Variants in SH2B3 observed in about 807,000 individuals in gnomAD.
SH2B3 encodes SH2B adapter protein 3.
SH2B3 carries 43 observed loss-of-function variants against 51.9 expected under a neutral mutation model. That is an observed-to-expected ratio of 0.83 (90% CI 0.65 to 1.07). SH2B3 has a LOEUF of 1.07. Ranked by LOEUF, SH2B3 falls within the 50% of genes least tolerant of loss-of-function variation. The probability of loss-of-function intolerance (pLI) is 0.00; values close to 1 mark genes in which losing one functional copy is unlikely to be tolerated. For missense variants in SH2B3, 952 were observed against 834.3 expected (o/e 1.14, Z -1.74); for synonymous variants, 396 against 376.0 (o/e 1.05, Z -0.62).
intron 2 of SH2B3, among the ~76,000 whole-genome samples, chr12:111,433,843 G>A (rs1872661408): frequency 1.3e-5 from 2 of 152,122 alleles, no homozygotes; most frequent in Admixed American, 6.5e-5. Flanking sequence ...CGAACACCTG[G>A]ATTCAAGCAG....
In SH2B3 at chr12:111,418,614, G is replaced by T; in HGVS notation, c.469G>T (p.Ala157Ser). Reference protein sequence around the residue: ...RRRSAGELPAAHTAAAPGTPG... With the variant: ...RRRSAGELPASHTAAAPGTPG... ...CCGCTCGGCCGGGGAGCTGCCAGCG[G>T]CCCACACCGCTGCCGCCCCCGGGAC... The change falls in exon 2 of 8, where the codon GCC becomes TCC. Residue 157 changes from alanine to serine, a missense_variant. Ala to Ser is a moderately conservative substitution (Grantham distance 99). Coordinates refer to ENST00000341259, the MANE Select transcript of SH2B3 (RefSeq NM_005475.3). The surrounding 1 kb of genome is among the most constrained non-coding windows in gnomAD (Gnocchi z 6.7). 3 of 1,483,220 alleles carry T rather than the reference G, an allele frequency of 2.0e-6. No homozygotes were observed. Among genetic ancestry groups the T allele is most frequent in the Non-Finnish European group, 2.7e-6 (3 of 1,126,362 alleles). 91.9% of individuals were successfully genotyped at this position (1,483,220 alleles called of 1,614,324 possible).
At chr12:111,432,353 A>T (rs1191523275) in intron 2 of SH2B3, among the ~76,000 whole-genome samples, 1 of 151,736 alleles carries the variant, frequency 6.6e-6, no homozygotes, top group African/African-American at 2.4e-5. Context: ...CCCATTTTTA[A>T]CTTTTTTGCT....
intron 2 of SH2B3, among the ~76,000 whole-genome samples, chr12:111,423,458 C>T (rs565521584): frequency 3.3e-5 from 5 of 152,314 alleles, no homozygotes; most frequent in African/African-American, 1.2e-4. Context: ...CCAGCTCCGC[C>T]TCCCGGGTTC....
rs949445921 is a variant in SH2B3 at position 111,406,587 on chromosome 12, C to T, written c.-28+310C>T. Among the ~76,000 whole-genome samples, 4 of 152,194 alleles carry T rather than the reference C, an allele frequency of 2.6e-5. No homozygotes were observed. Among genetic ancestry groups the T allele is most frequent in the Non-Finnish European group, 5.9e-5 (4 of 68,022 alleles). On this transcript the variant is annotated intron_variant, in intron 1 of 7. Transcript: ENST00000341259. This position sits in a 1 kb window ranked among gnomAD's most constrained non-coding sequence, Gnocchi z 5.7. ...CTACGGTAGCCTCGCCGGTTGGGGG[C>T]GGCCCTCCCCTCAACTTGTGCCTGG...
intron 1 of SH2B3, among the ~76,000 whole-genome samples, chr12:111,408,840 C>T (rs1870450626): frequency 1.3e-5 from 2 of 152,190 alleles, no homozygotes; most frequent in South Asian, 4.1e-4. Context: ...CACTTAAGCT[C>T]TCTGAGGCAA....
At chr12:111,427,568 G>A (rs1486783817) in intron 2 of SH2B3, among the ~76,000 whole-genome samples, 1 of 152,268 alleles carries the variant, frequency 6.6e-6, no homozygotes, top group Non-Finnish European at 1.5e-5. Flanking sequence ...TGCTAGGCTG[G>A]AGTAGCTGGC....
intron 2 of SH2B3, among the ~76,000 whole-genome samples, chr12:111,419,745 C>T (rs756095804): frequency 2.6e-5 from 4 of 152,180 alleles, no homozygotes; most frequent in Non-Finnish European, 5.9e-5. Flanking sequence ...CTGCTGTGTA[C>T]ATTGGTTGTA....
In SH2B3 at chr12:111,447,471, T is replaced by C. The variant is rs777509565; in HGVS notation, c.1163T>C (p.Val388Ala). ...CTGCAGGGCCCTGATGCTCATGGAGTGTTCCTGGTGCGGCAGAGCGAGACG... is the reference window on the plus strand; with the variant it reads ...CTGCAGGGCCCTGATGCTCATGGAGCGTTCCTGGTGCGGCAGAGCGAGACG... ...VQLQGPDAHG[V>A]FLVRQSETRR... Residue 388 changes from valine to alanine, a missense_variant, in exon 6 of 8, where the codon GTG (valine) becomes GCG (alanine). Physicochemically the swap from Val to Ala is moderately conservative, Grantham distance 64. Coordinates refer to ENST00000341259, the MANE Select transcript of SH2B3 (RefSeq NM_005475.3). 1 of 1,607,314 alleles carries C rather than the reference T, an allele frequency of 6.2e-7. No individual in the cohort carries two copies. The highest frequency in any genetic ancestry group is 1.4e-5 in the African/African-American group (1 of 72,256).
intron 2 of SH2B3, among the ~76,000 whole-genome samples, chr12:111,442,575 T>C (rs1363131964): frequency 2.0e-5 from 3 of 152,292 alleles, no homozygotes; most frequent in Non-Finnish European, 2.9e-5. Context: ...CCAAGGCTGG[T>C]CTGGGCCAAG....
At chr12:111,445,133 A>C (rs911205418) in intron 2 of SH2B3, among the ~76,000 whole-genome samples, 6 of 152,162 alleles carry the variant, frequency 3.9e-5, no homozygotes, top group Non-Finnish European at 5.9e-5. Flanking sequence ...TCTGCTGGTT[A>C]ATCTCAGCAC....
chr12:111,434,730 TTTAA>T lies in SH2B3; in HGVS notation c.733-12019_733-12016del, dbSNP rs1199780386. ...TTCTGTCTTGGTTTCCTTTTTCACT[TTTAA>T]TTATTTAATCCAGCTGGCTTTTGTT... is the stretch of plus-strand genomic sequence containing the variant. On this transcript the variant is annotated intron_variant, in intron 2 of 7. Transcript: ENST00000341259. 6 of 1,397,920 alleles carry T rather than the reference TTTAA, an allele frequency of 4.3e-6. No homozygotes were observed. In the East Asian group the frequency reaches 1.3e-4, roughly 30 times the overall value. The allele number at this position is 1,397,920 out of a possible 1,614,324, so 86.6% of individuals were successfully genotyped here. A position where few individuals can be genotyped will look rare whatever the true frequency, so the allele number is the denominator to read the frequency against.
Position 111,423,027 on chromosome 12 carries a change from T to C in SH2B3, c.732+4150T>C, listed in dbSNP as rs766470732. Among the ~76,000 whole-genome samples the C allele has an allele frequency of 1.3e-4, 20 of 152,226 alleles. No homozygotes were observed. The East Asian group carries it at 3.7e-3, about 28-fold the overall frequency. On this transcript the variant is annotated intron_variant, in intron 2 of 7. Coordinates refer to ENST00000341259, the MANE Select transcript of SH2B3 (RefSeq NM_005475.3). Reference sequence around the variant, plus strand: ...GTCACTTACTTTCATTCTAAGTAAATCACTGGGCCTTCCAGGCAGAGGGAA... The same window carrying C: ...GTCACTTACTTTCATTCTAAGTAAACCACTGGGCCTTCCAGGCAGAGGGAA...
At chr12:111,423,391 A>G (rs1048004214) in intron 2 of SH2B3, among the ~76,000 whole-genome samples, 1 of 151,846 alleles carries the variant, frequency 6.6e-6, no homozygotes, top group Non-Finnish European at 1.5e-5. Context: ...TTTTTTTGAG[A>G]CAGAGTCTTG....
intron 2 of SH2B3, among the ~76,000 whole-genome samples, chr12:111,436,749 C>G (rs1476685381): frequency 6.6e-6 from 1 of 152,040 alleles, no homozygotes; most frequent in African/African-American, 2.4e-5. Flanking sequence ...TGGTTGCTGT[C>G]TCTCTGAGAG....
At chr12:111,417,980 A>G (rs1565968513) in intron 1 of SH2B3, 139 bp from the exon 2 acceptor site, 7 of 604,960 alleles carry the variant, frequency 1.2e-5, no homozygotes, top group Non-Finnish European at 1.9e-5. Flanking sequence ...AGGGGAGTGC[A>G]TGTTTCCCTG....
At position 111,448,346 on chromosome 12, in the gene SH2B3, C is replaced by T; in HGVS notation, c.*44C>T. The T allele has an allele frequency of 7.4e-7, 1 of 1,357,744 alleles. No individual in the cohort carries two copies. Among genetic ancestry groups the T allele is most frequent in the Non-Finnish European group, 1.0e-6 (1 of 971,366 alleles). 84.1% of individuals were successfully genotyped at this position (1,357,744 alleles called of 1,614,324 possible). ...CCTCAACAGCTGCCCTTGAGGAGCA[C>T]AGGCAGAAGTGTGAACTTGTGAATG... On this transcript the variant is annotated 3_prime_UTR_variant, in exon 8 of 8. Coordinates refer to ENST00000341259, the MANE Select transcript of SH2B3 (RefSeq NM_005475.3).
intron 2 of SH2B3, among the ~76,000 whole-genome samples, chr12:111,432,094 T>C (rs529756367): frequency 3.3e-5 from 5 of 151,990 alleles, no homozygotes; most frequent in African/African-American, 1.2e-4. Flanking sequence ...TTTTTCACTT[T>C]GTGTCCTGAA....
chr12:111,436,662 G>A (rs1180965240), intron 2 of SH2B3, among the ~76,000 whole-genome samples: 6 of 152,098 alleles, frequency 3.9e-5, no homozygotes, highest in Non-Finnish European at 7.4e-5. Context: ...TCCTCTGGGT[G>A]TCTGTCGCTG....
rs752751719 is a variant in SH2B3, at chr12:111,410,229, C to T, written c.-28+3952C>T. ...CAGGGAGGTGGACACACAAGGGGAC[C>T]TCTGACATGGGATCTGCCCTTTCAG... On this transcript the variant is annotated intron_variant, in intron 1 of 7. Transcript: ENST00000341259. This position sits in a 1 kb window ranked among gnomAD's most constrained non-coding sequence, Gnocchi z 4.9. Among the ~76,000 whole-genome samples the T allele has an allele frequency of 5.9e-5, 9 of 152,192 alleles. 1 individual carries two copies. The highest frequency in any genetic ancestry group is 1.0e-4 in the Non-Finnish European group (7 of 68,024).
Sources: allele counts gnomAD v4.1 joint callset (sites outside exome capture counted in the v4.1 genomes callset), GRCh38; gene constraint gnomAD v4.1.1; non-coding constraint Gnocchi (gnomAD v3.1); transcripts MANE v1.5; gene names NCBI Gene and HGNC (gene_info 2026-07-23, HGNC 2026-07-21).